TEAD4: variants seen among roughly 807,000 people sequenced by gnomAD.
TEAD4 encodes transcriptional enhancer factor TEF-3.
A neutral mutation model predicts 52.4 loss-of-function variants in TEAD4; 36 were observed. That is an observed-to-expected ratio of 0.69 (90% CI 0.53 to 0.91). TEAD4 has a LOEUF of 0.91. Among genes scored for constraint, TEAD4 ranks in the 40% least tolerant of loss-of-function variants. The pLI is 0.00. For synonymous variants in TEAD4, 220 were observed against 231.0 expected, an observed-to-expected ratio of 0.95 and a Z score of 0.43; for missense variants, 508 against 583.9, an observed-to-expected ratio of 0.87 and a Z score of 1.34.
intron 3 of TEAD4, among the ~76,000 whole-genome samples, chr12:3,003,477 C>T (rs1203912391): frequency 8.6e-5 from 13 of 152,018 alleles, no homozygotes; most frequent in African/African-American, 2.7e-4. Context: ...GCTGGGGTAA[C>T]GTTTTCAGTG....
At position 3,038,121 on chromosome 12, in the gene TEAD4, C is replaced by T. The variant is rs1296782995; in HGVS notation, c.1038+13C>T. ...GGAGAAAGTTGAGGTAGGAGGCCAC[C>T]CTGGCGGGTGAGGGCCGGTGGCAGT... On this transcript the variant is annotated intron_variant, in intron 11 of 12. Transcript: ENST00000359864. 2 of 1,608,402 alleles carry T rather than the reference C, an allele frequency of 1.2e-6. No homozygotes were observed. The highest frequency in any genetic ancestry group is 1.7e-6 in the Non-Finnish European group (2 of 1,176,216).
At chr12:3,007,711 C>T (rs982230875) in intron 3 of TEAD4, among the ~76,000 whole-genome samples, 3 of 152,172 alleles carry the variant, frequency 2.0e-5, no homozygotes, top group Admixed American at 6.5e-5. Context: ...TCCATTGCCC[C>T]CAAGTTTTTA....
At position 3,037,797 on chromosome 12, in the gene TEAD4, C is replaced by T. The variant is rs533062743; in HGVS notation, c.898-171C>T. On this transcript the variant is annotated intron_variant, in intron 10 of 12. Coordinates refer to ENST00000359864, the MANE Select transcript of TEAD4 (RefSeq NM_003213.4). The stretch of plus-strand genomic sequence containing the variant: ...TTAGGCAACACGACCTGATTTTGTA[C>T]CAGGCAGAGATGTAGAGGAATGTGG... Among the ~76,000 whole-genome samples, 4 of 152,224 alleles carry T rather than the reference C, an allele frequency of 2.6e-5. No homozygotes were observed. In the South Asian group the frequency reaches 6.2e-4, roughly 24 times the overall value.
At chr12:3,037,813 A>G (rs1342014784) in intron 10 of TEAD4, among the ~76,000 whole-genome samples, 155 bp from the exon 11 acceptor site, 1 of 152,120 alleles carries the variant, frequency 6.6e-6, no homozygotes, top group Non-Finnish European at 1.5e-5. Flanking sequence ...AGAGATGTAG[A>G]GGAATGTGGA....
At chr12:2,971,814 C>CTTTTT (rs34434172) in intron 2 of TEAD4, among the ~76,000 whole-genome samples, 5 of 110,442 alleles carry the variant, frequency 4.5e-5, no homozygotes, top group Non-Finnish European at 7.2e-5. Context: ...TTCTTTCTTT[C>CTTTTT]TTTTTTTTTT....
intron 2 of TEAD4, among the ~76,000 whole-genome samples, chr12:2,976,581 C>CCTCT (rs1364440715): frequency 6.6e-6 from 1 of 152,220 alleles, no homozygotes; most frequent in Non-Finnish European, 1.5e-5. Flanking sequence ...GGGGGCAAGG[C>CCTCT]CTCTGTTCAC....
At chr12:2,975,961 C>T (rs2098229307) in intron 2 of TEAD4, among the ~76,000 whole-genome samples, 1 of 151,986 alleles carries the variant, frequency 6.6e-6, no homozygotes, top group Non-Finnish European at 1.5e-5. Flanking sequence ...TGGCGTCTCT[C>T]ACTAAGTAAT....
chr12:2,999,816 C>A (rs1311988287), intron 3 of TEAD4, among the ~76,000 whole-genome samples: 1 of 152,234 alleles, frequency 6.6e-6, no homozygotes, highest in South Asian at 2.1e-4. Flanking sequence ...CCCCGCTCCT[C>A]ACACTCAGTG....
intron 2 of TEAD4, among the ~76,000 whole-genome samples, chr12:2,978,923 T>G (rs1426244703): frequency 6.6e-6 from 1 of 152,036 alleles, no homozygotes; most frequent in Non-Finnish European, 1.5e-5. Flanking sequence ...CTTTTTTGTT[T>G]GTTTGTTTTG....
At chr12:2,965,207 G>A (rs1337231684) in intron 2 of TEAD4, among the ~76,000 whole-genome samples, 3 of 151,838 alleles carry the variant, frequency 2.0e-5, no homozygotes, top group Admixed American at 1.3e-4. Flanking sequence ...TTTGTCACCC[G>A]GGCTGGAGTT....
chr12:3,021,161 T>C (rs946066381), intron 9 of TEAD4, among the ~76,000 whole-genome samples: 13 of 152,094 alleles, frequency 8.5e-5, no homozygotes, highest in African/African-American at 3.1e-4. Flanking sequence ...CTGTGTCTGC[T>C]CCATATCCTA....
At position 2,994,136 on chromosome 12, in the gene TEAD4, G is replaced by A. The variant is rs982614442; in HGVS notation, c.-29-602G>A. Among the ~76,000 whole-genome samples the A allele has an allele frequency of 1.3e-5, 2 of 152,102 alleles. No homozygotes were observed. Among genetic ancestry groups the A allele is most frequent in the Admixed American group, 6.5e-5 (1 of 15,268 alleles). On this transcript the variant is annotated intron_variant, in intron 2 of 12. Transcript: ENST00000359864. This position sits in a 1 kb window ranked among gnomAD's most constrained non-coding sequence, Gnocchi z 4.7. ...GTCACCCAGGCTGGAGTGTAGTGGC[G>A]GGATCTCGGCTCACTGCAACCTCTG...
chr12:2,975,503 C>T (rs2098228907), intron 2 of TEAD4, among the ~76,000 whole-genome samples: 1 of 151,932 alleles, frequency 6.6e-6, no homozygotes, highest in African/African-American at 2.4e-5. Context: ...ATTTTCCTGC[C>T]TCAGCCTCTC....
chr12:2,980,594 ATGG>A (rs2153953699), intron 2 of TEAD4, among the ~76,000 whole-genome samples: 1 of 152,216 alleles, frequency 6.6e-6, no homozygotes, highest in African/African-American at 2.4e-5. Flanking sequence ...TTAGCTGGGC[ATGG>A]TGGTGCACGC....
At chr12:3,003,315 A>T (rs1191620427) in intron 3 of TEAD4, among the ~76,000 whole-genome samples, 1 of 152,178 alleles carries the variant, frequency 6.6e-6, no homozygotes, top group African/African-American at 2.4e-5. Flanking sequence ...GTAATCGCTG[A>T]CCTTGCTGGC....
chr12:2,994,276 A>G lies in TEAD4; in HGVS notation c.-29-462A>G, dbSNP rs1054852014. Among the ~76,000 whole-genome samples, 1 of 152,082 alleles carries G rather than the reference A, an allele frequency of 6.6e-6. No homozygotes were observed. The highest frequency in any genetic ancestry group is 6.5e-5 in the Admixed American group (1 of 15,278). On this transcript the variant is annotated intron_variant, in intron 2 of 12. Coordinates refer to ENST00000359864, the MANE Select transcript of TEAD4 (RefSeq NM_003213.4). The surrounding 1 kb of genome is among the most constrained non-coding windows in gnomAD (Gnocchi z 4.7). The stretch of plus-strand genomic sequence containing the variant: ...TTTTTAGTAGAAACGGGGTTTCACC[A>G]TGTTGGCCAGGCTGGTCTCGAGTTC...
intron 2 of TEAD4, among the ~76,000 whole-genome samples, chr12:2,969,974 C>G (rs1214592372): frequency 1.3e-5 from 2 of 152,034 alleles, no homozygotes; most frequent in Middle Eastern, 3.2e-3. Flanking sequence ...GCCCATGGTC[C>G]CAGTTACTCA....
intron 3 of TEAD4, among the ~76,000 whole-genome samples, chr12:3,001,082 G>A (rs570868655): frequency 1.4e-4 from 21 of 152,296 alleles, no homozygotes; most frequent in African/African-American, 4.6e-4. Context: ...ACTTGATGAC[G>A]GGAGTGTTCA....
At chr12:2,999,737 G>GGCCTA (rs1386569815) in intron 3 of TEAD4, among the ~76,000 whole-genome samples, 3 of 139,804 alleles carry the variant, frequency 2.1e-5, no homozygotes, top group African/African-American at 1.0e-4. Context: ...GCTCACAGTC[G>GGCCTA]GCCTAGCCTA....
Sources: allele counts gnomAD v4.1 joint callset (sites outside exome capture counted in the v4.1 genomes callset), GRCh38; gene constraint gnomAD v4.1.1; non-coding constraint Gnocchi (gnomAD v3.1); transcripts MANE v1.5; gene names NCBI Gene and HGNC (gene_info 2026-07-23, HGNC 2026-07-21).